The following MEST variants were observed in gnomAD, a reference collection of about 807,000 sequenced individuals.
MEST encodes mesoderm-specific transcript homolog protein.
A neutral mutation model predicts 50.9 loss-of-function variants in MEST; 18 were observed. The ratio of observed to expected loss-of-function variants is 0.35; its 90% CI spans 0.24 to 0.52. MEST has a LOEUF of 0.52. Ranked by LOEUF, MEST falls within the 20% of genes least tolerant of loss-of-function variation. The probability of loss-of-function intolerance (pLI) is 0.94; values close to 1 mark genes in which losing one functional copy is unlikely to be tolerated. For missense variants in MEST, 282 were observed against 425.3 expected, an observed-to-expected ratio of 0.66 and a Z score of 2.96; for synonymous variants, 130 against 154.1, an observed-to-expected ratio of 0.84 and a Z score of 1.16.
In MEST at chr7:130,499,896, G is replaced by A. The variant is rs782548896; in HGVS notation, c.557G>A (p.Arg186His). 3.7e-5 allele frequency: 60 copies of A among 1,612,152 alleles called. No homozygotes were observed. Among genetic ancestry groups the A allele is most frequent in the South Asian group, 2.4e-4 (22 of 90,814 alleles). ...ACAGGTATCTTTCCTGAGACTCACC[G>A]TCCACTCCTTCTCCAAAAGGTTGGT... Reference protein sequence around the residue: ...SNGGIFPETHRPLLLQKLLKD... With the variant: ...SNGGIFPETHHPLLLQKLLKD... Residue 186 changes from arginine to histidine, a missense_variant, in exon 7 of 12, where the codon CGT becomes CAT. By Grantham distance (29) the Arg-to-His change is conservative (BLOSUM62 0). Coordinates refer to ENST00000223215, the MANE Select transcript of MEST (RefSeq NM_002402.4).
In MEST at chr7:130,498,465, C is replaced by T. The variant is rs370916419; in HGVS notation, c.523C>T (p.Leu175=). The T allele has an allele frequency of 3.3e-4, 534 of 1,614,016 alleles. No individual in the cohort carries two copies. Among genetic ancestry groups the T allele is most frequent in the Non-Finnish European group, 4.5e-4 (529 of 1,180,024 alleles). Reference sequence around the variant, plus strand: ...TCGGCTTACCATAAAGAGTCTCTGTCTGTCAAATGGAGGTAATTGCCTTGG... The same window carrying T: ...TCGGCTTACCATAAAGAGTCTCTGTTTGTCAAATGGAGGTAATTGCCTTGG... ...SGRLTIKSLC[L]SNGGIFPETH... is the part of the protein sequence containing the mutation. The change falls in exon 6 of 12, where the codon CTG becomes TTG. Residue 175 remains leucine (L), a synonymous_variant. Coordinates refer to ENST00000223215, the MANE Select transcript of MEST (RefSeq NM_002402.4).
chr7:130,503,158 AGGCTATAGGT>A (rs1318326042), intron 10 of MEST, among the ~76,000 whole-genome samples: 2 of 152,194 alleles, frequency 1.3e-5, no homozygotes, highest in African/African-American at 4.8e-5. Flanking sequence ...ACTAATCAAG[AGGCTATAGGT>A]GGTTTGTGCT....
In MEST at chr7:130,497,489, A is replaced by C. The variant is rs527389856; in HGVS notation, c.261+254A>C. 84 of 284,912 alleles carry C rather than the reference A, an allele frequency of 2.9e-4. No individual in the cohort carries two copies. The highest frequency in any genetic ancestry group is 1.0e-3 in the Middle Eastern group (1 of 998). 17.6% of individuals were successfully genotyped at this position (284,912 alleles called of 1,614,324 possible). A position where few individuals can be genotyped will look rare whatever the true frequency, so the allele number is the denominator to read the frequency against. On this transcript the variant is annotated intron_variant, in intron 3 of 11. Coordinates refer to ENST00000223215, the MANE Select transcript of MEST (RefSeq NM_002402.4). This position sits in a 1 kb window ranked among gnomAD's most constrained non-coding sequence, Gnocchi z 4.0. ...GGAGAATCGCTTGAACCCGGGAGGC[A>C]GAGGTTGCAGTGAGCTGAGATTGCA...
At chr7:130,503,907 T>C (rs1242106295) in intron 10 of MEST, 26 bp from the exon 11 acceptor site, 3 of 1,558,716 alleles carry the variant, frequency 1.9e-6, no homozygotes, top group Non-Finnish European at 2.7e-6. Context: ...AGCTGTTAAG[T>C]ATTTCATTCC....
chr7:130,490,748 G>C (rs1417857031), upstream of MEST: 1 of 152,116 alleles, frequency 6.6e-6, no homozygotes, highest in Non-Finnish European at 1.5e-5. Context: ...CATTTATTTC[G>C]CACCCCCGGT....
chr7:130,494,875 T>C, intron 1 of MEST: 1 of 974,314 alleles, frequency 1.0e-6, no homozygotes, highest in Middle Eastern at 5.3e-4. Context: ...ACACACTCTT[T>C]AAAACATGAG....
chr7:130,498,898 C>T lies in MEST; in HGVS notation c.535+421C>T, dbSNP rs548671646. On this transcript the variant is annotated intron_variant, in intron 6 of 11. Transcript: ENST00000223215. ...TAGGATTGAAGATACAGAAAAAAGC[C>T]ACAAGTGTTTCTAATACTACTATGA... is the stretch of plus-strand genomic sequence containing the variant. The T allele has an allele frequency of 1.7e-4, 31 of 183,722 alleles. 1 individual carries two copies. Among genetic ancestry groups the T allele is most frequent in the Admixed American group, 1.6e-3 (29 of 17,898 alleles). The allele number at this position is 183,722 out of a possible 1,614,324, so 11.4% of individuals were successfully genotyped here.
At chr7:130,504,657 T>C (rs1019940222) in intron 11 of MEST, among the ~76,000 whole-genome samples, 58 of 152,254 alleles carry the variant, frequency 3.8e-4, no homozygotes, top group Admixed American at 5.9e-4. Flanking sequence ...TTCATCCTTC[T>C]CTAAGGAGCT....
chr7:130,494,961 T>C (rs1554436412), intron 1 of MEST: 1 of 433,040 alleles, frequency 2.3e-6, no homozygotes, highest in African/African-American at 2.1e-5. Context: ...TTGGAGTAAA[T>C]AAGAAAGAAG....
chr7:130,496,016 C>A (rs1799044611), intron 2 of MEST: 1 of 447,250 alleles, frequency 2.2e-6, no homozygotes, highest in South Asian at 1.7e-5. Flanking sequence ...ATGTTTTCAG[C>A]CTTCATTGTT....
At position 130,500,830 on chromosome 7, in the gene MEST, G is replaced by A; in HGVS notation, c.689G>A (p.Ser230Asn). The A allele has an allele frequency of 6.2e-7, 1 of 1,614,004 alleles. No individual in the cohort carries two copies. The highest frequency in any genetic ancestry group is 8.5e-7 in the Non-Finnish European group (1 of 1,179,960). The change falls in exon 9 of 12, where the codon AGT (serine) becomes AAT (asparagine). Residue 230 changes from serine to asparagine, a missense_variant. Transcript: ENST00000223215. This position sits in a 1 kb window ranked among gnomAD's most constrained non-coding sequence, Gnocchi z 5.0. The part of the protein sequence containing the change: ...VFGPYTRPSE[S>N]ELWDMWAGIR... ...GGGCCGTATACTCGGCCCTCTGAGA[G>A]TGAGCTGTGGGACATGTGGGCAGGG...
exon 1 of MEST, chr7:130,486,379 G>C (rs981565254): frequency 2.0e-5 from 3 of 152,368 alleles, no homozygotes; most frequent in African/African-American, 7.2e-5. Flanking sequence ...CTGTAGGCAA[G>C]GTCTTACCTG....
Position 130,505,110 on chromosome 7 carries a change from T to G in MEST, c.*54T>G. ...CTCCCCTACTCCCTTATGTGTTGTG[T>G]ATTCCACTTAGGAAGAAATGCCCAA... On this transcript the variant is annotated 3_prime_UTR_variant, in exon 12 of 12. Coordinates refer to ENST00000223215, the MANE Select transcript of MEST (RefSeq NM_002402.4). 7.8e-7 allele frequency: 1 copy of G among 1,283,368 alleles called. No individual in the cohort carries two copies. The highest frequency in any genetic ancestry group is 1.5e-5 in the African/African-American group (1 of 68,362). The allele number at this position is 1,283,368 out of a possible 1,614,324, so 79.5% of individuals were successfully genotyped here.
chr7:130,498,508 G>A (rs1359278712), intron 6 of MEST, 31 bp downstream of exon 6: 10 of 1,601,510 alleles, frequency 6.2e-6, no homozygotes, highest in South Asian at 5.5e-5. Context: ...TAGAAAGTGG[G>A]TGTAATCTAG....
chr7:130,492,640 A>G lies in MEST; in HGVS notation c.26+301A>G, dbSNP rs561701229. On this transcript the variant is annotated intron_variant, in intron 1 of 11. Coordinates refer to ENST00000223215, the MANE Select transcript of MEST (RefSeq NM_002402.4). This position sits in a 1 kb window ranked among gnomAD's most constrained non-coding sequence, Gnocchi z 7.6. ...CATCTTGATATGACTTAGGATCCAT[A>G]ATGACCCTGGTCTCACCCTGATGCG... 4 of 324,048 alleles carry G rather than the reference A, an allele frequency of 1.2e-5. No individual in the cohort carries two copies. In the Admixed American group the frequency reaches 1.5e-4, roughly 12 times the overall value. The allele number at this position is 324,048 out of a possible 1,614,324, so 20.1% of individuals were successfully genotyped here. A position where few individuals can be genotyped will look rare whatever the true frequency, so the allele number is the denominator to read the frequency against.
Position 130,499,903 on chromosome 7 carries a change from CCTT to C in MEST, c.567_569del (p.Leu190del), listed in dbSNP as rs1317021737. The C allele has an allele frequency of 2.5e-6, 4 of 1,612,694 alleles. No individual in the cohort carries two copies. The highest frequency in any genetic ancestry group is 1.3e-5 in the African/African-American group (1 of 74,824). ...TCTTTCCTGAGACTCACCGTCCACT[CCTT>C]CTCCAAAAGGTTGGTACTTCACTGA... is the stretch of plus-strand genomic sequence containing the variant. On this transcript the variant is annotated inframe_deletion, in exon 7 of 12. Coordinates refer to ENST00000223215, the MANE Select transcript of MEST (RefSeq NM_002402.4).
At chr7:130,486,779 G>T (rs1798632924) in intron 1 of MEST, 1 of 152,340 alleles carries the variant, frequency 6.6e-6, no homozygotes. Context: ...GTGGGGACTC[G>T]ATTTCTTGGG....
intron 1 of MEST, 108 bp from the exon 2 acceptor site, chr7:130,495,260 C>A: frequency 1.7e-6 from 2 of 1,150,758 alleles, no homozygotes; most frequent in Non-Finnish European, 2.5e-6. Flanking sequence ...GCAATGTAAT[C>A]ATTGCATGGT....
upstream of MEST, chr7:130,492,047 G>A (rs1296600542): frequency 9.0e-6 from 2 of 222,640 alleles, no homozygotes; most frequent in South Asian, 1.8e-4. This position sits in a 1 kb window ranked among gnomAD's most constrained non-coding sequence, Gnocchi z 7.6. Context: ...GGCGGGGCGC[G>A]GGTGGGCTCT....
Sources: gnomAD v4.1 joint callset for allele counts (sites outside exome capture counted in the v4.1 genomes callset) on GRCh38, gnomAD v4.1.1 for gene constraint, Gnocchi (gnomAD v3.1) non-coding constraint, MANE v1.5 for transcripts, NCBI Gene and HGNC (gene_info 2026-07-23, HGNC 2026-07-21) for gene names.